LRRN2: variants seen among roughly 807,000 people sequenced by gnomAD.
The protein encoded by LRRN2 is leucine rich repeat neuronal 2, also known as leucine-rich repeat neuronal protein 2.
In LRRN2, 10 loss-of-function variants were observed where a neutral mutation model predicts 35.7. That is an observed-to-expected ratio of 0.28 (90% CI 0.17 to 0.47). The LOEUF is 0.47. LRRN2 is among the 20% of genes least tolerant of loss of function. LRRN2 has a pLI of 0.99. For synonymous variants in LRRN2, 391 were observed against 409.6 expected (o/e 0.95, Z 0.55); for missense variants, 731 against 940.3 (o/e 0.78, Z 2.91).
chr1:204,669,363 T>C (rs1489509169), intron 1 of LRRN2, among the ~76,000 whole-genome samples: 2 of 152,218 alleles, frequency 1.3e-5, no homozygotes, highest in African/African-American at 2.4e-5. Flanking sequence ...CTCTCATGGA[T>C]GAATTCACTA....
intron 1 of LRRN2, among the ~76,000 whole-genome samples, chr1:204,636,976 A>G (rs1476070089): frequency 6.6e-6 from 1 of 152,218 alleles, no homozygotes; most frequent in Non-Finnish European, 1.5e-5. Flanking sequence ...GATGTCTGCA[A>G]TTTGCTTTGA....
intron 1 of LRRN2, among the ~76,000 whole-genome samples, chr1:204,636,124 C>G (rs1667826796): frequency 6.6e-6 from 1 of 152,212 alleles, no homozygotes; most frequent in Non-Finnish European, 1.5e-5. Flanking sequence ...CTTCCACGAG[C>G]ATCGTCATCT....
intron 1 of LRRN2, among the ~76,000 whole-genome samples, chr1:204,668,466 G>A (rs893883494): frequency 1.1e-4 from 17 of 152,146 alleles, no homozygotes; most frequent in African/African-American, 3.9e-4. Flanking sequence ...GTGGTGGTGC[G>A]TGCCTGTGGA....
chr1:204,663,390 G>A (rs748118389), intron 1 of LRRN2, among the ~76,000 whole-genome samples: 1 of 152,212 alleles, frequency 6.6e-6, no homozygotes, highest in African/African-American at 2.4e-5. Flanking sequence ...AGTACACTGA[G>A]TAGGGAGCTG....
intron 1 of LRRN2, among the ~76,000 whole-genome samples, chr1:204,638,961 C>T (rs939826873): frequency 6.6e-6 from 1 of 152,240 alleles, no homozygotes; most frequent in Non-Finnish European, 1.5e-5. Flanking sequence ...TGACCCTGCC[C>T]TGAGATGGCC....
At position 204,631,256 on chromosome 1, in the gene LRRN2, C is replaced by CTATATATATATATATATATA. The variant is rs1162626713; in HGVS notation, c.-226-11058_-226-11039dup. ...CAAGAAGAGTGATACCTAGAGTGTT[C>CTATATATATATATATATATA]TATATATATATATATATATATATAT... is the stretch of plus-strand genomic sequence containing the variant. On this transcript the variant is annotated intron_variant, in intron 1 of 1. Coordinates refer to ENST00000367177, the MANE Select transcript of LRRN2 (RefSeq NM_201630.2). 1.6e-4 allele frequency among the ~76,000 whole-genome samples: 6 copies of CTATATATATATATATATATA among 36,916 alleles called. 1 individual carries two copies. Among genetic ancestry groups the CTATATATATATATATATATA allele is most frequent in the African/African-American group, 2.9e-4 (3 of 10,428 alleles). 24.2% of individuals were successfully genotyped at this position (36,916 alleles called of 152,430 possible). A position where few individuals can be genotyped will look rare whatever the true frequency, so the allele number is the denominator to read the frequency against.
intron 1 of LRRN2, among the ~76,000 whole-genome samples, chr1:204,671,641 G>GT (rs1421393723): frequency 3.3e-5 from 1 of 30,362 alleles, no homozygotes; most frequent in African/African-American, 8.3e-5. Flanking sequence ...GTAATTGATG[G>GT]TAAAAAAAAA....
chr1:204,623,811 A>G (rs1461988502), intron 1 of LRRN2, among the ~76,000 whole-genome samples: 1 of 152,214 alleles, frequency 6.6e-6, no homozygotes, highest in Non-Finnish European at 1.5e-5. Flanking sequence ...CCAGAGCACC[A>G]AGTGTAGGAT....
intron 1 of LRRN2, among the ~76,000 whole-genome samples, chr1:204,654,037 A>C (rs1234613326): frequency 1.5e-4 from 14 of 95,536 alleles, no homozygotes; most frequent in Non-Finnish European, 2.4e-4. Flanking sequence ...CCCTGACAAA[A>C]AAAAAAAAAA....
At chr1:204,673,414 G>A (rs1192688873) in intron 1 of LRRN2, among the ~76,000 whole-genome samples, 1 of 152,138 alleles carries the variant, frequency 6.6e-6, no homozygotes, top group Non-Finnish European at 1.5e-5. Flanking sequence ...TGTGAACTGG[G>A]TGTGTTAAAC....
intron 1 of LRRN2, among the ~76,000 whole-genome samples, chr1:204,647,115 G>A (rs1297427353): frequency 2.0e-5 from 3 of 151,534 alleles, no homozygotes; most frequent in East Asian, 1.9e-4. Flanking sequence ...CAGTGACTGG[G>A]ATTGCAAGAT....
chr1:204,679,734 T>C (rs1193098329), intron 1 of LRRN2, among the ~76,000 whole-genome samples: 1 of 152,240 alleles, frequency 6.6e-6, no homozygotes, highest in Non-Finnish European at 1.5e-5. Flanking sequence ...CACCCTTGCA[T>C]TGGTTCCCAC....
chr1:204,631,870 G>A (rs552383109), intron 1 of LRRN2, among the ~76,000 whole-genome samples: 1 of 152,270 alleles, frequency 6.6e-6, no homozygotes, highest in South Asian at 2.1e-4. Flanking sequence ...GGAGCAGCAA[G>A]CCAGAGGCAG....
chr1:204,630,783 C>G (rs1667671511), intron 1 of LRRN2, among the ~76,000 whole-genome samples: 1 of 152,104 alleles, frequency 6.6e-6, no homozygotes, highest in Non-Finnish European at 1.5e-5. Flanking sequence ...CCAGGGCAGG[C>G]CGGTGGACAG....
chr1:204,657,341 T>TACACACACACACACACAC lies in LRRN2; in HGVS notation c.-227+27961_-227+27978dup, dbSNP rs34779515. On this transcript the variant is annotated intron_variant, in intron 1 of 1. Coordinates refer to ENST00000367177, the MANE Select transcript of LRRN2 (RefSeq NM_201630.2). Reference sequence around the variant, plus strand: ...CTATGTGTCTATATATATGTATATATACACACACACACACACACACACACA... The same window carrying TACACACACACACACACAC: ...CTATGTGTCTATATATATGTATATATACACACACACACACACACACACACACACACACACACACACACA... 2.0e-3 allele frequency among the ~76,000 whole-genome samples: 300 copies of TACACACACACACACACAC among 147,052 alleles called. 2 individuals carry two copies. Among genetic ancestry groups the TACACACACACACACACAC allele is most frequent in the Middle Eastern group, 3.4e-3 (1 of 294 alleles).
intron 1 of LRRN2, among the ~76,000 whole-genome samples, chr1:204,680,310 G>T (rs762758783): frequency 6.6e-6 from 1 of 152,210 alleles, no homozygotes; most frequent in African/African-American, 2.4e-5. Flanking sequence ...TTGTTACCAC[G>T]TGAGAGGTAG....
At chr1:204,636,039 C>CAGCACAACAGCAGCCG (rs1667824039) in intron 1 of LRRN2, among the ~76,000 whole-genome samples, 1 of 152,192 alleles carries the variant, frequency 6.6e-6, no homozygotes, top group Non-Finnish European at 1.5e-5. Context: ...AGCCGGCCAT[C>CAGCACAACAGCAGCCG]TCTGTTAATG....
chr1:204,679,834 G>A (rs578005228), intron 1 of LRRN2, among the ~76,000 whole-genome samples: 172 of 152,328 alleles, frequency 1.1e-3, no homozygotes, highest in Middle Eastern at 3.4e-3. Flanking sequence ...GAGACAGAAG[G>A]AAACAATGTT....
intron 1 of LRRN2, among the ~76,000 whole-genome samples, chr1:204,679,033 G>C (rs1668882661): frequency 6.6e-6 from 1 of 152,182 alleles, no homozygotes. Flanking sequence ...TCCCATGTCT[G>C]AGATGGCTGA....
Sources: allele counts gnomAD v4.1 joint callset (sites outside exome capture counted in the v4.1 genomes callset), GRCh38; gene constraint gnomAD v4.1.1; transcripts MANE v1.5; gene names NCBI Gene and HGNC (gene_info 2026-07-23, HGNC 2026-07-21).